The following GRM5 variants were observed in gnomAD, a reference collection of about 807,000 sequenced individuals.
The protein encoded by GRM5 is metabotropic glutamate receptor 5.
In GRM5, 19 loss-of-function variants were observed where a neutral mutation model predicts 83.1. The observed-to-expected ratio is 0.23, with a 90% CI of 0.16 to 0.34. GRM5 has a LOEUF of 0.34. Among genes scored for constraint, GRM5 ranks in the 10% least tolerant of loss-of-function variants. The pLI, the probability that GRM5 is intolerant of heterozygous loss-of-function variation, is 1.00. For synonymous variants in GRM5, 675 were observed against 633.6 expected (o/e 1.07, Z -0.98); for missense variants, 1,160 against 1,588.3 (o/e 0.73, Z 4.58).
rs112528131 is a variant in GRM5, at chr11:88,643,416, C to A, written c.1147+9752G>T. Among the ~76,000 whole-genome samples, 512 of 152,290 alleles carry A rather than the reference C, an allele frequency of 3.4e-3. 2 individuals are homozygous for A. The highest frequency in any genetic ancestry group is 0.012 in the African/African-American group (493 of 41,578). ...ACATCCAACACTGGGGATTCCAATT[C>A]AACATGAGGTTTGAGCAGAAACAAA... On this transcript the variant is annotated intron_variant, in intron 4 of 9. Transcript: ENST00000305447.
intron 2 of GRM5, among the ~76,000 whole-genome samples, chr11:88,971,904 C>G (rs1939175267): frequency 6.6e-6 from 1 of 152,064 alleles, no homozygotes; most frequent in African/African-American, 2.4e-5. Context: ...ACAAGATGAT[C>G]TGGTAACATC....
chr11:88,521,551 T>C (rs1941690742), intron 9 of GRM5, among the ~76,000 whole-genome samples: 4 of 152,192 alleles, frequency 2.6e-5, no homozygotes, highest in Admixed American at 2.6e-4. Context: ...GCAACTCACA[T>C]GGTAACAGTG....
At chr11:88,934,154 CA>C (rs1937812796) in intron 2 of GRM5, among the ~76,000 whole-genome samples, 1 of 151,772 alleles carries the variant, frequency 6.6e-6, no homozygotes, top group South Asian at 2.1e-4. Context: ...TCACAATCAT[CA>C]AAACAATTAC....
Position 88,653,415 on chromosome 11 carries a change from TA to T in GRM5, c.912-13del, listed in dbSNP as rs201132084. 5 of 1,571,546 alleles carry T rather than the reference TA, an allele frequency of 3.2e-6. No homozygotes were observed. Among genetic ancestry groups the T allele is most frequent in the African/African-American group, 1.4e-5 (1 of 73,922 alleles). ...CAGCCCAGCCATCACTGTGGGGAAATAAAAAAACCCTCAGCTTAGAACAGAT... is the reference window on the plus strand; with the variant it reads ...CAGCCCAGCCATCACTGTGGGGAAATAAAAAACCCTCAGCTTAGAACAGAT... On this transcript the variant is annotated splice_polypyrimidine_tract_variant and intron_variant, in intron 3 of 9. Coordinates refer to ENST00000305447, the MANE Select transcript of GRM5 (RefSeq NM_001143831.3).
At chr11:89,064,874 CTCTCTCTCTCTCTCTGTG>C (rs1296479430) in intron 1 of GRM5, among the ~76,000 whole-genome samples, 10 of 45,002 alleles carry the variant, frequency 2.2e-4, no homozygotes, top group South Asian at 1.2e-3. Context: ...CTCTCTCTCT[CTCTCTCTCTCTCTCTGTG>C]TGTGTGTGTG....
At position 88,516,723 on chromosome 11, in the gene GRM5, G is replaced by GTT. The variant is rs5793328; in HGVS notation, c.2727-7221_2727-7220dup. On this transcript the variant is annotated intron_variant, in intron 9 of 9. Coordinates refer to ENST00000305447, the MANE Select transcript of GRM5 (RefSeq NM_001143831.3). ...AGAAGGAAGTTTCTTGATTATCCTG[G>GTT]TTTTTTTTTTTAATTGGATAAAATG... 2.1e-3 allele frequency among the ~76,000 whole-genome samples: 309 copies of GTT among 148,252 alleles called. 2 individuals carry two copies. In the East Asian group the frequency reaches 0.027, roughly 13 times the overall value.
At chr11:88,996,360 C>A (rs1490185933) in intron 2 of GRM5, among the ~76,000 whole-genome samples, 3 of 152,174 alleles carry the variant, frequency 2.0e-5, no homozygotes, top group African/African-American at 7.2e-5. Flanking sequence ...ATAAGCCATG[C>A]AACACAAATC....
intron 2 of GRM5, among the ~76,000 whole-genome samples, chr11:88,963,038 G>A (rs1337126670): frequency 6.6e-6 from 1 of 152,166 alleles, no homozygotes; most frequent in Non-Finnish European, 1.5e-5. Flanking sequence ...GCAGTGAGCT[G>A]AGATCATGCC....
chr11:88,723,147 CT>C (rs71470776), intron 3 of GRM5, among the ~76,000 whole-genome samples: 45,511 of 147,882 alleles, frequency 0.31, 7,330 homozygotes, highest in African/African-American at 0.44. Context: ...TTCAGATTGG[CT>C]TTTTTTTTTT....
intron 2 of GRM5, among the ~76,000 whole-genome samples, chr11:89,023,997 C>T (rs1941061838): frequency 6.6e-6 from 1 of 152,016 alleles, no homozygotes; most frequent in Non-Finnish European, 1.5e-5. Flanking sequence ...AGATGGATCA[C>T]CTGAAGTCAG....
At chr11:88,835,768 A>G (rs1944083026) in intron 3 of GRM5, among the ~76,000 whole-genome samples, 1 of 152,234 alleles carries the variant, frequency 6.6e-6, no homozygotes, top group Non-Finnish European at 1.5e-5. Context: ...TCTATATCCA[A>G]AGAGTACATT....
intron 3 of GRM5, among the ~76,000 whole-genome samples, chr11:88,694,724 G>C (rs1191744515): frequency 1.3e-5 from 2 of 151,928 alleles, no homozygotes; most frequent in Non-Finnish European, 2.9e-5. Flanking sequence ...GTACTTTCTT[G>C]GTTATTTAGA....
chr11:88,994,846 T>C (rs1276233744), intron 2 of GRM5, among the ~76,000 whole-genome samples: 1 of 152,118 alleles, frequency 6.6e-6, no homozygotes, highest in South Asian at 2.1e-4. Context: ...CTGTACATTA[T>C]GGTTTTAGTT....
chr11:88,701,983 G>T (rs771657089), intron 3 of GRM5, among the ~76,000 whole-genome samples: 4 of 151,866 alleles, frequency 2.6e-5, no homozygotes, highest in Non-Finnish European at 2.9e-5. Flanking sequence ...TAACATTAAT[G>T]CTGGCCAGTT....
At chr11:89,019,629 C>A (rs1297870190) in intron 2 of GRM5, among the ~76,000 whole-genome samples, 1 of 151,998 alleles carries the variant, frequency 6.6e-6, no homozygotes, top group Non-Finnish European at 1.5e-5. Context: ...CACTTGAGCC[C>A]CGGAGGTGGA....
At chr11:88,769,046 A>T (rs1421546643) in intron 3 of GRM5, among the ~76,000 whole-genome samples, 2 of 152,098 alleles carry the variant, frequency 1.3e-5, no homozygotes, top group African/African-American at 4.8e-5. Context: ...TAGGCTAAAG[A>T]AACTGCATGT....
chr11:88,858,142 A>T (rs1809933946), intron 2 of GRM5, among the ~76,000 whole-genome samples: 1 of 150,814 alleles, frequency 6.6e-6, no homozygotes, highest in African/African-American at 2.5e-5. Context: ...ATTGAATCTC[A>T]TCCAAGGTGT....
intron 9 of GRM5, among the ~76,000 whole-genome samples, chr11:88,519,479 A>G (rs1317776079): frequency 6.6e-6 from 1 of 152,128 alleles, no homozygotes; most frequent in Non-Finnish European, 1.5e-5. Context: ...TTGCAGAATC[A>G]GACTGAGTTG....
Position 88,572,796 on chromosome 11 carries a change from C to T in GRM5, c.1691-4804G>A, listed in dbSNP as rs930091351. The stretch of plus-strand genomic sequence containing the variant: ...ATTTTTTATCCCTGTTTCATCCTTA[C>T]TGTAATGGTAAGTTACTGGAAGTGT... On this transcript the variant is annotated intron_variant, in intron 7 of 9. Transcript: ENST00000305447. Among the ~76,000 whole-genome samples, 9 of 152,182 alleles carry T rather than the reference C, an allele frequency of 5.9e-5. 1 individual carries two copies. The highest frequency in any genetic ancestry group is 1.7e-4 in the African/African-American group (7 of 41,538).
Sources: gnomAD v4.1 joint callset for allele counts (sites outside exome capture counted in the v4.1 genomes callset) on GRCh38, gnomAD v4.1.1 for gene constraint, MANE v1.5 for transcripts, NCBI Gene and HGNC (gene_info 2026-07-23, HGNC 2026-07-21) for gene names.